Variants in WDR70 observed in about 807,000 individuals in gnomAD.
WDR70 encodes the protein WD repeat-containing protein 70.
Under a neutral mutation model 88.6 loss-of-function variants are expected in WDR70, and 53 were observed. The ratio of observed to expected loss-of-function variants is 0.60; its 90% confidence interval spans 0.48 to 0.75. WDR70 has a LOEUF of 0.75. Among genes scored for constraint, WDR70 ranks in the 30% least tolerant of loss-of-function variants. The pLI, the probability that WDR70 is intolerant of heterozygous loss-of-function variation, is 0.00. For synonymous variants in WDR70, 280 were observed against 270.0 expected (o/e 1.04, Z -0.36); for missense variants, 610 against 823.2 (o/e 0.74, Z 3.17).
intron 10 of WDR70, among the ~76,000 whole-genome samples, chr5:37,632,074 CTG>C (rs962292031): frequency 3.4e-4 from 52 of 152,286 alleles, no homozygotes; most frequent in African/African-American, 1.2e-3. Context: ...TAATGACAGT[CTG>C]TGTATGCGGT....
chr5:37,537,274 G>T (rs1741693804), intron 9 of WDR70, among the ~76,000 whole-genome samples: 1 of 152,176 alleles, frequency 6.6e-6, no homozygotes, highest in Non-Finnish European at 1.5e-5. Context: ...TTGCATCTGG[G>T]TTGAATGCTC....
At chr5:37,516,364 G>A in intron 8 of WDR70, 150 bp from the exon 9 acceptor site, 1 of 470,344 alleles carries the variant, frequency 2.1e-6, no homozygotes, top group Non-Finnish European at 3.9e-6. Context: ...AGAGAAAATT[G>A]GGATAAAATA....
At chr5:37,492,743 G>A (rs867068097) in intron 8 of WDR70, among the ~76,000 whole-genome samples, 2 of 152,150 alleles carry the variant, frequency 1.3e-5, no homozygotes, top group African/African-American at 2.4e-5. Flanking sequence ...TTCTTGCTCC[G>A]TATAGTAAAA....
chr5:37,567,444 T>C (rs1408188304), intron 9 of WDR70, among the ~76,000 whole-genome samples: 1 of 152,198 alleles, frequency 6.6e-6, no homozygotes, highest in East Asian at 1.9e-4. Flanking sequence ...AACTAAACGA[T>C]TTAAAAATAA....
chr5:37,630,047 G>A (rs2112522387), intron 10 of WDR70, among the ~76,000 whole-genome samples: 1 of 152,248 alleles, frequency 6.6e-6, no homozygotes, highest in Non-Finnish European at 1.5e-5. Flanking sequence ...CCATACTGGG[G>A]GCATTTGAGA....
chr5:37,535,103 A>T (rs987078372), intron 9 of WDR70, among the ~76,000 whole-genome samples: 1 of 152,174 alleles, frequency 6.6e-6, no homozygotes, highest in African/African-American at 2.4e-5. Context: ...GCTAGTAATA[A>T]ATAAATAAAA....
intron 9 of WDR70, among the ~76,000 whole-genome samples, chr5:37,558,914 G>A (rs488315): frequency 0.1 from 15,099 of 150,234 alleles, 2,439 homozygotes; most frequent in African/African-American, 0.34. Flanking sequence ...ATAATTTGGT[G>A]TATTCTTTTT....
At chr5:37,505,763 C>T (rs1740541546) in intron 8 of WDR70, 2 of 1,389,634 alleles carry the variant, frequency 1.4e-6, no homozygotes, top group Admixed American at 1.7e-5. Context: ...TGGACCCTCT[C>T]AAGTTGGCTT....
In WDR70 at chr5:37,452,210, A is replaced by G. The variant is rs143252703; in HGVS notation, c.686+8838A>G. ...TTCTCATTCAGCTGATACCTGTTGA[A>G]TATGGGAGAGTCAAACTCTCATATG... On this transcript the variant is annotated intron_variant, in intron 7 of 17. Transcript: ENST00000265107. Among the ~76,000 whole-genome samples, 6 of 152,056 alleles carry G rather than the reference A, an allele frequency of 3.9e-5. No individual in the cohort carries two copies. In the East Asian group the frequency reaches 1.2e-3, roughly 29 times the overall value.
At chr5:37,606,734 A>T (rs1160393589) in intron 10 of WDR70, among the ~76,000 whole-genome samples, 1 of 152,208 alleles carries the variant, frequency 6.6e-6, no homozygotes, top group African/African-American at 2.4e-5. Flanking sequence ...TAAGTTTATT[A>T]TACCATATCT....
chr5:37,447,696 C>T (rs1263753339), intron 7 of WDR70, among the ~76,000 whole-genome samples: 1 of 152,106 alleles, frequency 6.6e-6, no homozygotes, highest in Non-Finnish European at 1.5e-5. Flanking sequence ...GACAGAAAAC[C>T]AAACACCGCA....
intron 5 of WDR70, among the ~76,000 whole-genome samples, chr5:37,400,468 A>G (rs1749158089): frequency 6.6e-6 from 1 of 152,146 alleles, no homozygotes; most frequent in South Asian, 2.1e-4. Flanking sequence ...TGTCTACATT[A>G]CTTCCACTGA....
intron 8 of WDR70, among the ~76,000 whole-genome samples, chr5:37,505,133 G>T (rs953302589): frequency 1.3e-5 from 2 of 152,074 alleles, no homozygotes; most frequent in African/African-American, 4.8e-5. Flanking sequence ...CCCACTGTAG[G>T]GTTCTAGCTT....
intron 10 of WDR70, among the ~76,000 whole-genome samples, chr5:37,648,519 A>G (rs369778510): frequency 2.1e-5 from 3 of 145,704 alleles, no homozygotes; most frequent in South Asian, 4.2e-4. Flanking sequence ...ACAGAGAACT[A>G]TTCTTTTAGT....
intron 10 of WDR70, among the ~76,000 whole-genome samples, chr5:37,620,823 C>T (rs937610469): frequency 2.6e-5 from 4 of 152,108 alleles, no homozygotes; most frequent in Admixed American, 1.3e-4. Flanking sequence ...AAAGCCTACG[C>T]TTTGAAAACA....
At chr5:37,408,717 GA>G (rs1253984132) in intron 5 of WDR70, among the ~76,000 whole-genome samples, 1 of 151,992 alleles carries the variant, frequency 6.6e-6, no homozygotes, top group Non-Finnish European at 1.5e-5. Flanking sequence ...TATTTATTTT[GA>G]ATTTTTTTGG....
At chr5:37,740,737 T>G (rs193027858) in intron 17 of WDR70, among the ~76,000 whole-genome samples, 64 of 152,328 alleles carry the variant, frequency 4.2e-4, no homozygotes, top group Non-Finnish European at 2.1e-4. Context: ...ACAGGGCCAA[T>G]TTTTCCAGAT....
chr5:37,494,018 C>G (rs1377550032), intron 8 of WDR70, among the ~76,000 whole-genome samples: 1 of 151,974 alleles, frequency 6.6e-6, no homozygotes, highest in East Asian at 1.9e-4. Context: ...GAGGTTTCAT[C>G]ATGTTGGCCA....
intron 8 of WDR70, among the ~76,000 whole-genome samples, chr5:37,499,619 C>CG (rs375823795): frequency 6.8e-6 from 1 of 147,314 alleles, no homozygotes; most frequent in Non-Finnish European, 1.5e-5. Context: ...CTCTCTCTCT[C>CG]TCTCTCTCTC....
Sources: gnomAD v4.1 joint callset for allele counts (sites outside exome capture counted in the v4.1 genomes callset) on GRCh38, gnomAD v4.1.1 for gene constraint, MANE v1.5 for transcripts, NCBI Gene and HGNC (gene_info 2026-07-23, HGNC 2026-07-21) for gene names.